The following TGM5 variants were observed in gnomAD, a reference collection of about 807,000 sequenced individuals.
TGM5 encodes transglutaminase 5, also known as protein-glutamine gamma-glutamyltransferase 5.
Under a neutral mutation model 77.2 loss-of-function variants are expected in TGM5, and 69 were observed. That is an observed-to-expected ratio of 0.89 (90% confidence interval 0.74 to 1.09). TGM5 has a LOEUF of 1.09. Ranked by LOEUF, TGM5 falls within the 50% of genes least tolerant of loss-of-function variation. The pLI is 0.00. For missense variants in TGM5, 842 were observed against 896.5 expected (o/e 0.94, Z 0.78); for synonymous variants, 346 against 351.8 (o/e 0.98, Z 0.18).
rs759599342 is a variant in TGM5, at chr15:43,238,940, C to T, written c.1222G>A (p.Val408Ile). 28 of 1,614,100 alleles carry T rather than the reference C, an allele frequency of 1.7e-5. No homozygotes were observed. Among genetic ancestry groups the T allele is most frequent in the South Asian group, 1.5e-4 (14 of 91,086 alleles). The change falls in exon 9 of 13, where the codon GTC (valine) becomes ATC (isoleucine). Residue 408 changes from valine (V) to isoleucine (I), a missense_variant. Transcript: ENST00000220420. ...AGCTTCTGCTCCTTCCCTCCCTGGA[C>T]GAGCCAGGACATGCAGTCAGCATTC... ...MVNADCMSWL[V>I]QGGKEQKLHQ...
intron 10 of TGM5, 56 bp from the exon 11 acceptor site, chr15:43,234,985 G>A (rs2042577617): frequency 6.3e-7 from 1 of 1,598,472 alleles, no homozygotes. Flanking sequence ...AGCCGTACCT[G>A]GGTTGGACCT....
Position 43,234,776 on chromosome 15 carries a change from G to A in TGM5, c.1868C>T (p.Thr623Met), listed in dbSNP as rs143722994. The A allele has an allele frequency of 9.1e-5, 147 of 1,614,168 alleles. No homozygotes were observed. In the African/African-American group the frequency reaches 9.6e-4, roughly 11 times the overall value. Residue 623 changes from threonine to methionine, a missense_variant, in exon 11 of 13, where the codon ACG (threonine) becomes ATG (methionine). Physicochemically the swap from Thr to Met is moderately conservative, Grantham distance 81. Around this residue, in one of 2 missense-constraint regions of TGM5, gnomAD observed 815 missense variants for 844.6 expected, o/e 0.96. Transcript: ENST00000220420. ...KIITLSYPSI[T>M]INVLGAAVVN... ...TGCAGGACTCCTGCCTACATTAATC[G>A]TGATGCTTGGATAAGATAAGGTGAT... is the stretch of plus-strand genomic sequence containing the variant.
chr15:43,265,359 A>G (rs74950280), intron 1 of TGM5, among the ~76,000 whole-genome samples: 95 of 152,346 alleles, frequency 6.2e-4, no homozygotes, highest in African/African-American at 2.2e-3. Flanking sequence ...ACAGTGGAAA[A>G]AGAAGCTTGC....
chr15:43,234,070 C>T (rs1467914054), intron 11 of TGM5, among the ~76,000 whole-genome samples: 4 of 152,164 alleles, frequency 2.6e-5, no homozygotes, highest in Admixed American at 2.6e-4. Context: ...CCAAAATTTG[C>T]CACCCCTTGA....
Position 43,235,627 on chromosome 15 carries a change from A to G in TGM5, c.1556T>C (p.Met519Thr). The change falls in exon 10 of 13, where the codon ATG becomes ACG. Residue 519 changes from methionine to threonine, a missense_variant. By Grantham distance (81) the Met-to-Thr change is moderately conservative. This residue lies in a region of TGM5 where 815 missense variants were observed against 844.6 expected (regional missense o/e 0.96). Transcript: ENST00000220420. The part of the protein sequence containing the change: ...LKFKLLDPPN[M>T]GQDICFVLLA... ...CAGGACAAAGCATATATCCTGGCCC[A>G]TGTTGGGCGGGTCGAGCAGCTTGAA... 6.2e-7 allele frequency: 1 copy of G among 1,614,198 alleles called. No homozygotes were observed. Among genetic ancestry groups the G allele is most frequent in the Non-Finnish European group, 8.5e-7 (1 of 1,180,038 alleles).
chr15:43,234,529 AG>A (rs914866184), intron 11 of TGM5, among the ~76,000 whole-genome samples: 4 of 152,188 alleles, frequency 2.6e-5, no homozygotes, highest in African/African-American at 9.7e-5. Context: ...GGGGCACAAG[AG>A]GGGGGTCTCT....
intron 1 of TGM5, among the ~76,000 whole-genome samples, chr15:43,261,945 G>A (rs1469778871): frequency 2.0e-5 from 3 of 152,124 alleles, no homozygotes; most frequent in East Asian, 3.9e-4. Flanking sequence ...CATATAAAAG[G>A]CACATTCCTT....
At chr15:43,235,292 G>GGGAA (rs761856371) in intron 10 of TGM5, among the ~76,000 whole-genome samples, 177 bp downstream of exon 10, 24 of 150,312 alleles carry the variant, frequency 1.6e-4, no homozygotes, top group African/African-American at 3.4e-4. Context: ...GAGGGAGGGA[G>GGGAA]GGAAGGAAGG....
At chr15:43,265,143 A>G (rs2042816130) in intron 1 of TGM5, among the ~76,000 whole-genome samples, 1 of 152,162 alleles carries the variant, frequency 6.6e-6, no homozygotes, top group Non-Finnish European at 1.5e-5. Flanking sequence ...GCAGGGACAA[A>G]ATGTCATGTC....
At chr15:43,253,350 G>T (rs1048063278) in intron 5 of TGM5, among the ~76,000 whole-genome samples, 156 bp downstream of exon 5, 4 of 152,208 alleles carry the variant, frequency 2.6e-5, no homozygotes, top group Non-Finnish European at 5.9e-5. Flanking sequence ...TTCAGAGCTC[G>T]GCTGAGAAAA....
chr15:43,244,924 C>T (rs2042660769), intron 6 of TGM5, among the ~76,000 whole-genome samples: 1 of 151,884 alleles, frequency 6.6e-6, no homozygotes, highest in African/African-American at 2.4e-5. Flanking sequence ...AAAAAATTGG[C>T]CGGGTATAGT....
At chr15:43,263,872 G>C (rs2042807378) in intron 1 of TGM5, among the ~76,000 whole-genome samples, 1 of 152,172 alleles carries the variant, frequency 6.6e-6, no homozygotes, top group Admixed American at 6.5e-5. Context: ...AAAGTGAAGA[G>C]AAAAGCCATA....
chr15:43,254,672 C>A (rs1437551457), intron 4 of TGM5, among the ~76,000 whole-genome samples: 1 of 152,106 alleles, frequency 6.6e-6, no homozygotes, highest in African/African-American at 2.4e-5. Flanking sequence ...CATTTTTTCT[C>A]CAGCAACACC....
At chr15:43,251,982 C>T (rs2042706418) in intron 6 of TGM5, among the ~76,000 whole-genome samples, 1 of 152,252 alleles carries the variant, frequency 6.6e-6, no homozygotes, top group African/African-American at 2.4e-5. Flanking sequence ...AAGGTCATTT[C>T]CCTTGGGTTG....
At chr15:43,234,577 T>C in intron 11 of TGM5, among the ~76,000 whole-genome samples, 192 bp downstream of exon 11, 1 of 152,106 alleles carries the variant, frequency 6.6e-6, no homozygotes, top group South Asian at 2.1e-4. Flanking sequence ...GACCCATCCA[T>C]AGGGCCTCTA....
chr15:43,253,494 C>A lies in TGM5; in HGVS notation c.684+12G>T, dbSNP rs1471625956. 1 of 1,610,466 alleles carries A rather than the reference C, an allele frequency of 6.2e-7. No individual in the cohort carries two copies. The highest frequency in any genetic ancestry group is 8.5e-7 in the Non-Finnish European group (1 of 1,180,006). The stretch of plus-strand genomic sequence containing the variant: ...CAGCTTCCTCCCTCCCCGGGCACGC[C>A]AGGGACCTCACCATGGCACACACCA... On this transcript the variant is annotated intron_variant, in intron 5 of 12. Coordinates refer to ENST00000220420, the MANE Select transcript of TGM5 (RefSeq NM_201631.4).
rs546286111 is a variant in TGM5 at position 43,252,472 on chromosome 15, C to T, written c.862+287G>A. Among the ~76,000 whole-genome samples, 88 of 152,220 alleles carry T rather than the reference C, an allele frequency of 5.8e-4. 2 individuals carry two copies. Among genetic ancestry groups the T allele is most frequent in the African/African-American group, 1.7e-3 (71 of 41,534 alleles). On this transcript the variant is annotated intron_variant, in intron 6 of 12. Transcript: ENST00000220420. ...AGCTGGGATTACAGGTGCCTGCCAC[C>T]GTGCCCTGCTAATTTTTGTATTTTT...
chr15:43,262,293 G>A (rs2042795187), intron 1 of TGM5, among the ~76,000 whole-genome samples: 1 of 152,184 alleles, frequency 6.6e-6, no homozygotes, highest in Admixed American at 6.5e-5. Context: ...AGACCTACTA[G>A]TGTAAGGATT....
intron 6 of TGM5, among the ~76,000 whole-genome samples, chr15:43,245,906 G>T (rs568941974): frequency 6.7e-4 from 99 of 148,596 alleles, no homozygotes; most frequent in Admixed American, 2.7e-3. Flanking sequence ...TGTTGGGGGG[G>T]GGGGTCTTAA....
Sources: gnomAD v4.1 joint callset for allele counts (sites outside exome capture counted in the v4.1 genomes callset) on GRCh38, gnomAD v4.1.1 for gene constraint, gnomAD v4.1.1 regional missense constraint, MANE v1.5 for transcripts, NCBI Gene and HGNC (gene_info 2026-07-23, HGNC 2026-07-21) for gene names.